The following MGAT4C variants were observed in gnomAD, a reference collection of about 807,000 sequenced individuals.
The protein encoded by MGAT4C is MGAT4 family member C, also known as alpha-1,3-mannosyl-glycoprotein 4-beta-N-acetylglucosaminyltransferase C.
MGAT4C carries 19 observed loss-of-function variants against 40.1 expected under a neutral mutation model. The observed-to-expected ratio is 0.47, with a 90% CI of 0.33 to 0.70. The LOEUF (loss-of-function observed/expected upper bound fraction) is 0.70, where lower values mean the gene tolerates loss of function less well. Among genes scored for constraint, MGAT4C ranks in the 30% least tolerant of loss-of-function variants. The pLI, the probability that MGAT4C is intolerant of heterozygous loss-of-function variation, is 0.02. For missense variants in MGAT4C, 491 were observed against 563.2 expected (o/e 0.87, Z 1.30); for synonymous variants, 181 against 187.1 (o/e 0.97, Z 0.27).
intron 2 of MGAT4C, among the ~76,000 whole-genome samples, chr12:86,492,767 C>A (rs1405840320): frequency 6.6e-6 from 1 of 152,164 alleles, no homozygotes; most frequent in Non-Finnish European, 1.5e-5. Context: ...ACACCAAAAG[C>A]AATGGCAACA....
intron 1 of MGAT4C, among the ~76,000 whole-genome samples, chr12:86,758,613 AC>A (rs1951347318): frequency 1.3e-5 from 2 of 152,204 alleles, no homozygotes. Context: ...AAATTCAAAC[AC>A]AGTCACTCTG....
At chr12:86,407,296 A>G (rs1307520122) in intron 3 of MGAT4C, among the ~76,000 whole-genome samples, 2 of 152,124 alleles carry the variant, frequency 1.3e-5, no homozygotes, top group Non-Finnish European at 2.9e-5. Flanking sequence ...GTTTTCACAG[A>G]ATATATAATC....
At chr12:86,686,080 C>T (rs868668519) in intron 2 of MGAT4C, among the ~76,000 whole-genome samples, 11 of 151,534 alleles carry the variant, frequency 7.3e-5, no homozygotes, top group East Asian at 2.0e-4. Context: ...CATGTTTCAC[C>T]GTGTTAGTCA....
intron 3 of MGAT4C, among the ~76,000 whole-genome samples, chr12:86,363,508 GA>G (rs1223901688): frequency 4.6e-5 from 7 of 151,050 alleles, no homozygotes; most frequent in Non-Finnish European, 8.9e-5. Context: ...CATTAGAAAA[GA>G]AAAAAATTCT....
chr12:86,239,357 T>C (rs1389348413), intron 1 of MGAT4C, among the ~76,000 whole-genome samples: 1 of 152,096 alleles, frequency 6.6e-6, no homozygotes, highest in African/African-American at 2.4e-5. Flanking sequence ...TAATTTAAGG[T>C]TTAAATTAAA....
intron 4 of MGAT4C, among the ~76,000 whole-genome samples, chr12:86,281,023 A>T (rs556345912): frequency 6.6e-6 from 1 of 151,812 alleles, no homozygotes. Flanking sequence ...TCATCTTGCT[A>T]TTTATATTTT....
chr12:86,477,428 G>A (rs988073559), intron 2 of MGAT4C, among the ~76,000 whole-genome samples: 1 of 151,940 alleles, frequency 6.6e-6, no homozygotes, highest in Non-Finnish European at 1.5e-5. Flanking sequence ...AAGAGAGAAA[G>A]GGGGAACAAG....
intron 3 of MGAT4C, among the ~76,000 whole-genome samples, chr12:86,335,043 AT>A (rs146103864): frequency 0.078 from 11,852 of 152,148 alleles, 1,115 homozygotes; most frequent in East Asian, 0.24. Context: ...AATTATATAA[AT>A]GCATAGTCAT....
chr12:86,381,929 T>A (rs958568489), intron 3 of MGAT4C, among the ~76,000 whole-genome samples: 12 of 152,204 alleles, frequency 7.9e-5, no homozygotes, highest in African/African-American at 2.7e-4. Flanking sequence ...ATGTGAGACA[T>A]GCCTTTCACC....
chr12:86,770,599 T>C (rs778329820), intron 1 of MGAT4C, among the ~76,000 whole-genome samples: 27 of 152,180 alleles, frequency 1.8e-4, no homozygotes, highest in Non-Finnish European at 2.5e-4. Flanking sequence ...TGTTTTTGCA[T>C]AGATAATGTA....
chr12:86,160,902 T>C (rs1885520348), intron 1 of MGAT4C, among the ~76,000 whole-genome samples: 1 of 152,070 alleles, frequency 6.6e-6, no homozygotes, highest in Non-Finnish European at 1.5e-5. Flanking sequence ...ACTCCTGCTT[T>C]TTTGTGTGTT....
At chr12:86,027,986 T>C in intron 2 of MGAT4C, 1 of 361,528 alleles carries the variant, frequency 2.8e-6, no homozygotes, top group Non-Finnish European at 4.9e-6. Flanking sequence ...TTTTATACAT[T>C]TTCCATTGAC....
At chr12:86,470,790 A>AACCATATACT (rs561150028) in intron 2 of MGAT4C, among the ~76,000 whole-genome samples, 2 of 152,098 alleles carry the variant, frequency 1.3e-5, no homozygotes, top group Non-Finnish European at 2.9e-5. Context: ...CATCATTTTC[A>AACCATATACT]ACCATATACT....
chr12:85,991,613 G>C (rs1359910327), intron 2 of MGAT4C, among the ~76,000 whole-genome samples: 2 of 152,186 alleles, frequency 1.3e-5, no homozygotes, highest in Non-Finnish European at 2.9e-5. Context: ...TTAAAGCCTG[G>C]AGGGTGCTGA....
chr12:86,530,145 T>G (rs1958955809), intron 2 of MGAT4C, among the ~76,000 whole-genome samples: 1 of 152,028 alleles, frequency 6.6e-6, no homozygotes, highest in Non-Finnish European at 1.5e-5. Flanking sequence ...TCTATTAAAA[T>G]TTATTCTTTA....
Position 86,003,979 on chromosome 12 carries a change from G to GC in MGAT4C, c.-6-14428_-6-14427insG, listed in dbSNP as rs1361553194. Among the ~76,000 whole-genome samples, 89 of 152,158 alleles carry GC rather than the reference G, an allele frequency of 5.8e-4. 1 individual carries two copies. Among genetic ancestry groups the GC allele is most frequent in the Non-Finnish European group, 8.8e-5 (6 of 67,994 alleles). On this transcript the variant is annotated intron_variant, in intron 2 of 4. Coordinates refer to ENST00000611864, the MANE Select transcript of MGAT4C (RefSeq NM_001351288.2). ...TACCATTGGCCTTGATTATTTAAGAGAACTGAGAGCTTGCAATTTAAAAGC... is the reference window on the plus strand; with the variant it reads ...TACCATTGGCCTTGATTATTTAAGAGCAACTGAGAGCTTGCAATTTAAAAGC...
intron 1 of MGAT4C, among the ~76,000 whole-genome samples, chr12:86,788,105 A>C (rs1264591145): frequency 1.3e-5 from 2 of 151,350 alleles, no homozygotes; most frequent in East Asian, 3.9e-4. Flanking sequence ...ACTTATATAT[A>C]TATTTTAAAA....
chr12:86,028,127 C>T (rs938658087), intron 2 of MGAT4C: 31 of 1,287,996 alleles, frequency 2.4e-5, no homozygotes, highest in Non-Finnish European at 3.1e-5. Context: ...GATCCCTTTG[C>T]CACACTCCTC....
At position 85,957,825 on chromosome 12, in the gene MGAT4C, A is replaced by C. The variant is rs1040018058; in HGVS notation, c.*21464T>G. 7.5e-5 allele frequency: 10 copies of C among 132,588 alleles called. No individual in the cohort carries two copies. The highest frequency in any genetic ancestry group is 2.6e-4 in the African/African-American group (10 of 39,208). The allele number at this position is 132,588 out of a possible 1,614,324, so 8.2% of individuals were successfully genotyped here. On this transcript the variant is annotated 3_prime_UTR_variant, in exon 5 of 5. Transcript: ENST00000611864. ...CATTTAATAATAGTTTAAGATATTAAATAATTAAATAGGTAATGGGAACCA... is the reference window on the plus strand; with the variant it reads ...CATTTAATAATAGTTTAAGATATTACATAATTAAATAGGTAATGGGAACCA...
Sources: allele counts gnomAD v4.1 joint callset (sites outside exome capture counted in the v4.1 genomes callset), GRCh38; gene constraint gnomAD v4.1.1; transcripts MANE v1.5; gene names NCBI Gene and HGNC (gene_info 2026-07-23, HGNC 2026-07-21).